The following XIRP2 variants were observed in gnomAD, a reference collection of about 807,000 sequenced individuals.
XIRP2 encodes xin actin binding repeat containing 2, also known as xin actin-binding repeat-containing protein 2.
A neutral mutation model predicts 277.0 loss-of-function variants in XIRP2; 236 were observed. The ratio of observed to expected loss-of-function variants is 0.85; its 90% CI spans 0.77 to 0.95. XIRP2 has a LOEUF of 0.95. Ranked by LOEUF, XIRP2 falls within the 40% of genes least tolerant of loss-of-function variation. The pLI, the probability that XIRP2 is intolerant of heterozygous loss-of-function variation, is 0.00. For missense variants in XIRP2, 4,640 were observed against 4,157.5 expected (o/e 1.12, Z -3.19); for synonymous variants, 1,490 against 1,416.5 (o/e 1.05, Z -1.17).
chr2:166,910,553 C>A (rs1253017014), intron 2 of XIRP2, among the ~76,000 whole-genome samples: 1 of 152,054 alleles, frequency 6.6e-6, no homozygotes, highest in Non-Finnish European at 1.5e-5. Flanking sequence ...TCGATCCTTT[C>A]AAAAAACCAG....
chr2:167,114,408 T>C (rs1258317866), intron 2 of XIRP2, among the ~76,000 whole-genome samples: 1 of 152,112 alleles, frequency 6.6e-6, no homozygotes, highest in Non-Finnish European at 1.5e-5. Flanking sequence ...ATTGGTCTAT[T>C]CTGCTGTTAC....
intron 2 of XIRP2, among the ~76,000 whole-genome samples, chr2:166,911,606 TCA>T (rs1321584461): frequency 0.015 from 2,255 of 152,296 alleles, 70 homozygotes; most frequent in African/African-American, 0.052. Flanking sequence ...TTAGCCCATT[TCA>T]ATTTAAGGTT....
At chr2:167,050,096 G>A (rs1449072969) in intron 2 of XIRP2, among the ~76,000 whole-genome samples, 1 of 151,924 alleles carries the variant, frequency 6.6e-6, no homozygotes, top group Non-Finnish European at 1.5e-5. Flanking sequence ...TTATCCATGT[G>A]GAACAGTATA....
chr2:167,099,148 G>C (rs906001448), intron 2 of XIRP2, among the ~76,000 whole-genome samples: 8 of 152,202 alleles, frequency 5.3e-5, no homozygotes, highest in East Asian at 1.9e-4. Context: ...GAGATGGGAG[G>C]TTTATCTATA....
chr2:167,167,486 T>C (rs1692559676), intron 3 of XIRP2, among the ~76,000 whole-genome samples: 1 of 152,186 alleles, frequency 6.6e-6, no homozygotes. Context: ...AGTCTTAGCA[T>C]ATTGTACTTT....
At chr2:167,003,760 A>G (rs1687430571) in intron 2 of XIRP2, among the ~76,000 whole-genome samples, 1 of 151,944 alleles carries the variant, frequency 6.6e-6, no homozygotes, top group African/African-American at 2.4e-5. Flanking sequence ...TAAATGACAT[A>G]ATGAAATTTG....
chr2:166,940,372 C>G (rs1408670565), intron 2 of XIRP2, among the ~76,000 whole-genome samples: 2 of 152,106 alleles, frequency 1.3e-5, no homozygotes, highest in African/African-American at 2.4e-5. Context: ...GGTTTTTAGC[C>G]TCTTTGCGAT....
chr2:167,140,266 C>T (rs1262684147), intron 3 of XIRP2, among the ~76,000 whole-genome samples: 6 of 152,084 alleles, frequency 3.9e-5, no homozygotes, highest in Admixed American at 2.6e-4. Context: ...TTCTTTTTTC[C>T]ATAACATCTT....
chr2:167,239,297 T>A (rs1176330352), intron 5 of XIRP2, among the ~76,000 whole-genome samples: 1 of 152,214 alleles, frequency 6.6e-6, no homozygotes, highest in Non-Finnish European at 1.5e-5. Context: ...TCTCCAGATA[T>A]AACTATGTCC....
At chr2:167,030,733 G>T (rs1057365116) in intron 2 of XIRP2, among the ~76,000 whole-genome samples, 3 of 152,026 alleles carry the variant, frequency 2.0e-5, no homozygotes, top group African/African-American at 7.2e-5. Context: ...GGTCCGCTTG[G>T]TGCGGAGCTG....
intron 2 of XIRP2, among the ~76,000 whole-genome samples, chr2:166,911,642 T>C (rs1684703436): frequency 6.6e-6 from 1 of 152,206 alleles, no homozygotes. Context: ...GTGAATTTGA[T>C]CCTGTCATTA....
chr2:167,128,638 G>A (rs562019354), intron 2 of XIRP2, among the ~76,000 whole-genome samples: 2 of 152,190 alleles, frequency 1.3e-5, no homozygotes, highest in South Asian at 4.2e-4. Flanking sequence ...TGTATCTAAA[G>A]CACAAATCTA....
In XIRP2 at chr2:167,245,242, TTAGA is replaced by T; in HGVS notation, c.3852_3855del (p.Asp1285ArgfsTer19). 6.2e-7 allele frequency: 1 copy of T among 1,613,616 alleles called. No homozygotes were observed. ...GTGCTTTATTTTTGAGACTTTTTCT[TTAGA>T]TGAGATTAAAGAAGAATCTGACTAT... On this transcript the variant is annotated frameshift_variant, in exon 9 of 11. Transcript: ENST00000409195. LOFTEE classifies it high-confidence loss of function.
intron 3 of XIRP2, among the ~76,000 whole-genome samples, chr2:167,162,888 AT>A (rs1163742122): frequency 6.6e-6 from 1 of 152,122 alleles, no homozygotes; most frequent in African/African-American, 2.4e-5. Context: ...AGTTTTGCTT[AT>A]TCTAGAACTT....
intron 2 of XIRP2, among the ~76,000 whole-genome samples, chr2:167,065,038 A>G (rs1234540392): frequency 6.6e-6 from 1 of 151,900 alleles, no homozygotes; most frequent in African/African-American, 2.4e-5. Flanking sequence ...TTGCTGAATC[A>G]TGTGGTAATT....
At chr2:167,159,235 C>T (rs76801468) in intron 3 of XIRP2, among the ~76,000 whole-genome samples, 6,134 of 152,268 alleles carry the variant, frequency 0.04, 130 homozygotes, top group Non-Finnish European at 0.05. Context: ...AAACCAAGAA[C>T]TGTTTCTCCT....
chr2:167,211,228 G>T (rs1480878648), intron 4 of XIRP2, among the ~76,000 whole-genome samples: 3 of 152,040 alleles, frequency 2.0e-5, no homozygotes, highest in Non-Finnish European at 2.9e-5. Context: ...CTCCCGAGTA[G>T]CTGGGATTAC....
chr2:166,986,711 T>C (rs1025191077), intron 2 of XIRP2, among the ~76,000 whole-genome samples: 1 of 152,248 alleles, frequency 6.6e-6, no homozygotes, highest in African/African-American at 2.4e-5. Flanking sequence ...AATGATCCTG[T>C]TAAATGTTTA....
Position 167,248,842 on chromosome 2 carries a change from AAG to A in XIRP2, c.7453_7454del (p.Leu2486Ter), listed in dbSNP as rs774061043. On this transcript the variant is annotated frameshift_variant, in exon 9 of 11. Coordinates refer to ENST00000409195, the MANE Select transcript of XIRP2 (RefSeq NM_152381.6). LOFTEE classifies it high-confidence loss of function. ...GGAGACAAAGCAGAACGTTATTAGT[AAG>A]AGTCTTGATGAAAGAAAACAATTAT... is the stretch of plus-strand genomic sequence containing the variant. Reference protein sequence around the residue: ...HTETKQNVISKSLDERKQLSI... With the variant: ...HTETKQNVISXSLDERKQLSI... The A allele has an allele frequency of 6.2e-7, 1 of 1,613,674 alleles. No homozygotes were observed. Among genetic ancestry groups the A allele is most frequent in the Admixed American group, 1.7e-5 (1 of 59,948 alleles).
Sources: gnomAD v4.1 joint callset for allele counts (sites outside exome capture counted in the v4.1 genomes callset) on GRCh38, gnomAD v4.1.1 for gene constraint, MANE v1.5 for transcripts, NCBI Gene and HGNC (gene_info 2026-07-23, HGNC 2026-07-21) for gene names.